DENND4C: variants seen among roughly 807,000 people sequenced by gnomAD.
The protein encoded by DENND4C is DENN domain-containing protein 4C.
Under a neutral mutation model 203.0 loss-of-function variants are expected in DENND4C, and 108 were observed. That is an observed-to-expected ratio of 0.53 (90% CI 0.46 to 0.62). The LOEUF is 0.62. DENND4C is among the 20% of genes least tolerant of loss of function. The pLI, the probability that DENND4C is intolerant of heterozygous loss-of-function variation, is 0.00. For missense variants in DENND4C, 2,481 were observed against 2,301.2 expected, an observed-to-expected ratio of 1.08 and a Z score of -1.60; for synonymous variants, 871 against 792.4, an observed-to-expected ratio of 1.10 and a Z score of -1.67.
At chr9:19,293,762 G>A (rs767460519) in intron 5 of DENND4C, among the ~76,000 whole-genome samples, 1 of 152,194 alleles carries the variant, frequency 6.6e-6, no homozygotes, top group Non-Finnish European at 1.5e-5. Flanking sequence ...GGAATTGAGA[G>A]CATCATGCCA....
chr9:19,273,203 G>A (rs185731680), intron 1 of DENND4C, among the ~76,000 whole-genome samples: 14 of 151,624 alleles, frequency 9.2e-5, no homozygotes, highest in Admixed American at 6.6e-4. Context: ...CACCTGCCTC[G>A]GCCTCCCAAA....
At chr9:19,244,024 G>A (rs532978449) in intron 1 of DENND4C, among the ~76,000 whole-genome samples, 1 of 151,936 alleles carries the variant, frequency 6.6e-6, no homozygotes, top group South Asian at 2.1e-4. Flanking sequence ...GTGTTGTCCA[G>A]GCTGGTCTTT....
At position 19,316,465 on chromosome 9, in the gene DENND4C, G is replaced by A. The variant is rs750254569; in HGVS notation, c.1536G>A (p.Pro512=). ...NMNWKQLPKK[P]CKNLLSTLKK... is the part of the protein sequence containing the mutation. ...ACTGGAAGCAACTTCCCAAAAAGCCGTGCAAAAATCTACTTAGCACCTTAA... is the reference window on the plus strand; with the variant it reads ...ACTGGAAGCAACTTCCCAAAAAGCCATGCAAAAATCTACTTAGCACCTTAA... Residue 512 remains proline, a synonymous_variant, in exon 11 of 33, where the codon CCG becomes CCA. Transcript: ENST00000434457. The A allele has an allele frequency of 1.9e-5, 31 of 1,613,754 alleles. 1 individual carries two copies. The Middle Eastern group carries it at 5.0e-4, about 26-fold the overall frequency.
At chr9:19,275,000 G>C (rs765080483) in intron 1 of DENND4C, among the ~76,000 whole-genome samples, 2 of 152,102 alleles carry the variant, frequency 1.3e-5, no homozygotes, top group Non-Finnish European at 2.9e-5. Context: ...TTTTTGAGAT[G>C]GAGTCTTGCT....
intron 10 of DENND4C, among the ~76,000 whole-genome samples, chr9:19,311,117 T>C (rs1158670220): frequency 6.6e-6 from 1 of 152,108 alleles, no homozygotes; most frequent in African/African-American, 2.4e-5. Flanking sequence ...CTTTTGAATT[T>C]CCAAAGTTTT....
intron 1 of DENND4C, among the ~76,000 whole-genome samples, chr9:19,272,852 C>T (rs777692200): frequency 5.9e-5 from 9 of 151,824 alleles, no homozygotes; most frequent in Non-Finnish European, 1.2e-4. Context: ...ACTGCAGCCT[C>T]TGCCTCCCGG....
At chr9:19,342,891 C>T (rs974859170) in intron 22 of DENND4C, 112 bp downstream of exon 22, 3 of 843,414 alleles carry the variant, frequency 3.6e-6, no homozygotes, top group Non-Finnish European at 1.6e-6. Context: ...TGCTAAAGAG[C>T]CAGAAGGGAC....
At chr9:19,342,403 C>T (rs892777162) in intron 21 of DENND4C, among the ~76,000 whole-genome samples, 2 of 152,150 alleles carry the variant, frequency 1.3e-5, no homozygotes, top group Non-Finnish European at 2.9e-5. Context: ...CACTAAAGAA[C>T]ATTTATGTTA....
intron 1 of DENND4C, among the ~76,000 whole-genome samples, chr9:19,272,209 C>A (rs377737499): frequency 2.0e-5 from 3 of 151,460 alleles, no homozygotes; most frequent in Non-Finnish European, 4.4e-5. Flanking sequence ...CACCTGAGGT[C>A]GAGAGTTTGA....
At chr9:19,290,388 T>G (rs1414257733) in intron 4 of DENND4C, among the ~76,000 whole-genome samples, 1 of 152,230 alleles carries the variant, frequency 6.6e-6, no homozygotes, top group Non-Finnish European at 1.5e-5. Context: ...TTCTGTATGT[T>G]TCTTACCATT....
At chr9:19,337,370 A>G (rs187537240) in intron 20 of DENND4C, among the ~76,000 whole-genome samples, 4 of 152,364 alleles carry the variant, frequency 2.6e-5, no homozygotes, top group Non-Finnish European at 1.5e-5. Flanking sequence ...CGTTGTGCAG[A>G]TATATGTGTG....
intron 1 of DENND4C, among the ~76,000 whole-genome samples, chr9:19,248,609 C>T (rs150722235): frequency 0.02 from 3,031 of 152,022 alleles, 113 homozygotes; most frequent in African/African-American, 0.069. Context: ...AGGCTGGTCT[C>T]GAACTCCCGA....
At position 19,325,470 on chromosome 9, in the gene DENND4C, G is replaced by GC. The variant is rs547582399; in HGVS notation, c.1954-464dup. 1.7e-4 allele frequency among the ~76,000 whole-genome samples: 26 copies of GC among 152,010 alleles called. No homozygotes were observed. The South Asian group carries it at 4.4e-3, about 25-fold the overall frequency. ...GAATATTATGACATTAATTTTTATG[G>GC]CCCCCTCATGATTCATATGCCTTAG... On this transcript the variant is annotated intron_variant, in intron 13 of 32. Coordinates refer to ENST00000434457, the MANE Select transcript of DENND4C (RefSeq NM_001330640.2).
intron 1 of DENND4C, among the ~76,000 whole-genome samples, chr9:19,271,811 T>C (rs4977293): frequency 2.0e-5 from 3 of 150,432 alleles, no homozygotes; most frequent in African/African-American, 7.3e-5. Context: ...GAAGGTTGCG[T>C]TGAGTTGAGA....
intron 20 of DENND4C, among the ~76,000 whole-genome samples, chr9:19,339,565 G>A (rs1184224266): frequency 6.6e-6 from 1 of 151,976 alleles, no homozygotes; most frequent in Non-Finnish European, 1.5e-5. Context: ...GACCTTCATC[G>A]GTGATATTAA....
At chr9:19,340,052 T>A (rs1401943838) in intron 20 of DENND4C, among the ~76,000 whole-genome samples, 1 of 152,208 alleles carries the variant, frequency 6.6e-6, no homozygotes, top group Non-Finnish European at 1.5e-5. Context: ...CACAACAGAA[T>A]GTTCTAGCTC....
intron 2 of DENND4C, among the ~76,000 whole-genome samples, chr9:19,278,761 A>T (rs1833427244): frequency 6.6e-6 from 1 of 152,164 alleles, no homozygotes; most frequent in Middle Eastern, 3.2e-3. Flanking sequence ...CAGTATAGTT[A>T]GGATGGTGAT....
At chr9:19,275,038 A>C (rs1206624979) in intron 1 of DENND4C, among the ~76,000 whole-genome samples, 2 of 150,912 alleles carry the variant, frequency 1.3e-5, no homozygotes, top group African/African-American at 4.9e-5. Context: ...GTGCAGTGGC[A>C]CGATCCTGGC....
chr9:19,293,656 C>T (rs372861732), intron 5 of DENND4C, among the ~76,000 whole-genome samples: 1 of 152,048 alleles, frequency 6.6e-6, no homozygotes, highest in Non-Finnish European at 1.5e-5. Context: ...AGAGGAAGTA[C>T]CAAGGCTAAA....
Sources: gnomAD v4.1 joint callset for allele counts (sites outside exome capture counted in the v4.1 genomes callset) on GRCh38, gnomAD v4.1.1 for gene constraint, MANE v1.5 for transcripts, NCBI Gene and HGNC (gene_info 2026-07-23, HGNC 2026-07-21) for gene names.